The following WDR86 variants were observed in gnomAD, a reference collection of about 807,000 sequenced individuals.
WDR86 encodes the protein WD repeat domain 86.
In WDR86, 30 loss-of-function variants were observed where a neutral mutation model predicts 36.5. That is an observed-to-expected ratio of 0.82 (90% confidence interval 0.61 to 1.11). WDR86 has a LOEUF of 1.11. Ranked by LOEUF, WDR86 falls within the 50% of genes most tolerant of loss-of-function variation. WDR86 has a pLI of 0.00. For missense variants in WDR86, 545 were observed against 561.2 expected, an observed-to-expected ratio of 0.97 and a Z score of 0.29; for synonymous variants, 255 against 252.9, an observed-to-expected ratio of 1.01 and a Z score of -0.08.
chr7:151,386,187 T>C (rs887131656), intron 3 of WDR86, among the ~76,000 whole-genome samples: 28 of 152,216 alleles, frequency 1.8e-4, no homozygotes, highest in African/African-American at 6.0e-4. Context: ...CAGTTCACGC[T>C]GGCCACTGGC....
chr7:151,371,116 T>A (rs1224982577), downstream of WDR86, among the ~76,000 whole-genome samples: 1 of 152,110 alleles, frequency 6.6e-6, no homozygotes, highest in Non-Finnish European at 1.5e-5. Flanking sequence ...AAAACCAGTG[T>A]ATATAGTGCA....
At chr7:151,376,718 C>A, downstream of WDR86, 1 of 1,607,984 alleles carries the variant, frequency 6.2e-7, no homozygotes, top group Non-Finnish European at 8.5e-7. Context: ...CGCCCAGACC[C>A]TTGCTCACAA....
At chr7:151,402,089 A>ATATATATATATATATATC (rs1213348920) in intron 1 of WDR86, among the ~76,000 whole-genome samples, 3 of 124,308 alleles carry the variant, frequency 2.4e-5, no homozygotes, top group Non-Finnish European at 5.0e-5. Context: ...ATATATATAT[A>ATATATATATATATATATC]TATCTCCACA....
intron 4 of WDR86, among the ~76,000 whole-genome samples, 155 bp downstream of exon 4, chr7:151,384,933 G>A (rs1798857337): frequency 6.6e-6 from 1 of 152,212 alleles, no homozygotes; most frequent in African/African-American, 2.4e-5. Flanking sequence ...AAAACAGCTG[G>A]AAGCACGGGT....
intron 3 of WDR86, among the ~76,000 whole-genome samples, chr7:151,389,118 C>CTTTTTTTTTTTTT (rs34882878): frequency 1.6e-5 from 2 of 125,574 alleles, no homozygotes; most frequent in African/African-American, 3.1e-5. Flanking sequence ...CTTTTCTTTC[C>CTTTTTTTTTTTTT]TTTTTTTTTT....
intron 2 of WDR86, among the ~76,000 whole-genome samples, chr7:151,397,493 G>A (rs1252556834): frequency 2.6e-5 from 4 of 152,182 alleles, no homozygotes; most frequent in South Asian, 2.1e-4. Flanking sequence ...GCACGATCTC[G>A]GCTCACTGCA....
chr7:151,376,044 T>C (rs957557883), exon 2 of WDR86: 44 of 778,738 alleles, frequency 5.7e-5, no homozygotes, highest in Non-Finnish European at 9.2e-5. Context: ...GAGTCCGTGC[T>C]GAAACCTTGG....
rs1442066555 is a variant in WDR86, at chr7:151,405,403, GC to G, written c.163+4023del. On this transcript the variant is annotated intron_variant, in intron 1 of 5. Transcript: ENST00000334493. This position sits in a 1 kb window ranked among gnomAD's most constrained non-coding sequence, Gnocchi z 4.7. ...CGACTCAGGCCCAGAAGAGGTGACAGCCTTGCTGTTCCGAGCCACGGCCACT... is the reference window on the plus strand; with the variant it reads ...CGACTCAGGCCCAGAAGAGGTGACAGCTTGCTGTTCCGAGCCACGGCCACT... Among the ~76,000 whole-genome samples, 1 of 152,202 alleles carries G rather than the reference GC, an allele frequency of 6.6e-6. No homozygotes were observed. Among genetic ancestry groups the G allele is most frequent in the Non-Finnish European group, 1.5e-5 (1 of 68,046 alleles).
Position 151,381,785 on chromosome 7 carries a change from G to A in WDR86, c.967-39C>T, listed in dbSNP as rs1563041568. On this transcript the variant is annotated intron_variant, in intron 5 of 5. Transcript: ENST00000334493. This position sits in a 1 kb window ranked among gnomAD's most constrained non-coding sequence, Gnocchi z 4.8. The stretch of plus-strand genomic sequence containing the variant: ...GGCGGGCGTCACCGGTGACGCGGTA[G>A]GCGGGGGGGACACCGCTGCCCGCGT... The A allele has an allele frequency of 6.7e-7, 1 of 1,494,458 alleles. No individual in the cohort carries two copies. The highest frequency in any genetic ancestry group is 8.9e-7 in the Non-Finnish European group (1 of 1,118,068). 92.6% of individuals were successfully genotyped at this position (1,494,458 alleles called of 1,614,324 possible).
At chr7:151,387,576 G>A (rs904167714) in intron 3 of WDR86, among the ~76,000 whole-genome samples, 6 of 152,064 alleles carry the variant, frequency 3.9e-5, no homozygotes, top group Non-Finnish European at 8.8e-5. Context: ...CGGCTCTGAG[G>A]AGTCTCCCAG....
At chr7:151,376,334 GCTGTGGCCA>G (rs1798241595), downstream of WDR86, 5 of 489,706 alleles carry the variant, frequency 1.0e-5, no homozygotes, top group Middle Eastern at 1.1e-3. Flanking sequence ...ACGCCTGTAT[GCTGTGGCCA>G]CTGACCTCGC....
intron 3 of WDR86, among the ~76,000 whole-genome samples, chr7:151,391,059 T>G (rs1252985119): frequency 6.6e-6 from 1 of 152,252 alleles, no homozygotes; most frequent in Non-Finnish European, 1.5e-5. Context: ...CCCCCTCCTG[T>G]GCTTCCTGGA....
chr7:151,385,350 G>GC, intron 3 of WDR86, 127 bp from the exon 4 acceptor site: 2 of 1,467,516 alleles, frequency 1.4e-6, no homozygotes, highest in South Asian at 2.7e-5. Context: ...GCCTCGAATG[G>GC]CCCCGCCACC....
At chr7:151,383,940 G>A (rs1404019001) in intron 4 of WDR86, among the ~76,000 whole-genome samples, 1 of 152,250 alleles carries the variant, frequency 6.6e-6, no homozygotes, top group Non-Finnish European at 1.5e-5. Flanking sequence ...GCCTTTGAGA[G>A]TGGAACCTTC....
chr7:151,407,176 T>C (rs545743470), intron 1 of WDR86, among the ~76,000 whole-genome samples: 2 of 152,346 alleles, frequency 1.3e-5, no homozygotes, highest in South Asian at 4.1e-4. Context: ...AGTGTCCTGC[T>C]TGAGCGGGGA....
downstream of WDR86, among the ~76,000 whole-genome samples, chr7:151,379,581 A>C (rs1401606493): frequency 6.6e-6 from 1 of 152,182 alleles, no homozygotes; most frequent in Non-Finnish European, 1.5e-5. Flanking sequence ...GGCTGTCAGA[A>C]ACCAGAGCGA....
intron 4 of WDR86, 134 bp from the exon 5 acceptor site, chr7:151,382,115 A>AGT (rs1279649652): frequency 5.6e-6 from 4 of 719,650 alleles, no homozygotes; most frequent in African/African-American, 1.8e-5. Context: ...TCATATGGGA[A>AGT]GTGGACAGTG....
At chr7:151,380,605 G>T (rs2150736145), downstream of WDR86, among the ~76,000 whole-genome samples, 1 of 152,220 alleles carries the variant, frequency 6.6e-6, no homozygotes, top group African/African-American at 2.4e-5. Context: ...GGTGCTGTGA[G>T]GGGTGCTGAG....
rs780057214 is a variant in WDR86, at chr7:151,381,987, GAC to G, written c.863-8_863-7del. ...GTCCCCGCTGCCCGTGAACACTGCG[GAC>G]ACACAGCGCGCGCTGGGCCTCCCTC... On this transcript the variant is annotated splice_polypyrimidine_tract_variant and splice_region_variant and intron_variant, in intron 4 of 5. Coordinates refer to ENST00000334493, the MANE Select transcript of WDR86 (RefSeq NM_198285.3). The surrounding 1 kb of genome is among the most constrained non-coding windows in gnomAD (Gnocchi z 4.8). 6 of 1,593,398 alleles carry G rather than the reference GAC, an allele frequency of 3.8e-6. No individual in the cohort carries two copies. Among genetic ancestry groups the G allele is most frequent in the East Asian group, 4.6e-5 (2 of 43,718 alleles).
Sources: allele counts gnomAD v4.1 joint callset (sites outside exome capture counted in the v4.1 genomes callset), GRCh38; gene constraint gnomAD v4.1.1; non-coding constraint Gnocchi (gnomAD v3.1); transcripts MANE v1.5; gene names NCBI Gene and HGNC (gene_info 2026-07-23, HGNC 2026-07-21).